Variants in ZMAT4 observed in about 807,000 individuals in gnomAD.
The protein encoded by ZMAT4 is zinc finger matrin-type 4, also known as zinc finger matrin-type protein 4.
A neutral mutation model predicts 28.7 loss-of-function variants in ZMAT4; 17 were observed. That is an observed-to-expected ratio of 0.59 (90% CI 0.41 to 0.89). ZMAT4 has a LOEUF of 0.89. Ranked by LOEUF, ZMAT4 falls within the 40% of genes least tolerant of loss-of-function variation. The pLI is 0.00. For synonymous variants in ZMAT4, 117 were observed against 109.2 expected, an observed-to-expected ratio of 1.07 and a Z score of -0.44; for missense variants, 240 against 283.8, an observed-to-expected ratio of 0.85 and a Z score of 1.11.
chr8:40,541,339 G>T (rs753580620), intron 6 of ZMAT4, among the ~76,000 whole-genome samples: 1 of 152,184 alleles, frequency 6.6e-6, no homozygotes, highest in South Asian at 2.1e-4. Flanking sequence ...ATCATGGGAC[G>T]TGGTGGGATG....
intron 3 of ZMAT4, among the ~76,000 whole-genome samples, chr8:40,746,514 T>C (rs1812243463): frequency 6.6e-6 from 1 of 151,558 alleles, no homozygotes; most frequent in Non-Finnish European, 1.5e-5. Flanking sequence ...TAAGCGCATA[T>C]CACCACACCC....
At chr8:40,850,561 T>C (rs188963509) in intron 1 of ZMAT4, among the ~76,000 whole-genome samples, 60 of 152,304 alleles carry the variant, frequency 3.9e-4, no homozygotes, top group Middle Eastern at 3.4e-3. Context: ...ATCTTATGGA[T>C]AGCTGTATCC....
intron 1 of ZMAT4, among the ~76,000 whole-genome samples, chr8:40,891,335 G>A (rs1255942685): frequency 2.2e-5 from 3 of 138,822 alleles, no homozygotes; most frequent in African/African-American, 8.1e-5. Context: ...AGGACACATG[G>A]TGGTCACCAC....
intron 4 of ZMAT4, among the ~76,000 whole-genome samples, chr8:40,680,744 T>C (rs1179845457): frequency 8.6e-5 from 13 of 151,596 alleles, no homozygotes; most frequent in Non-Finnish European, 1.5e-4. Flanking sequence ...ATACTTTCTC[T>C]CTCTCTCTAC....
At chr8:40,712,417 T>C (rs578234462) in intron 3 of ZMAT4, among the ~76,000 whole-genome samples, 1 of 152,262 alleles carries the variant, frequency 6.6e-6, no homozygotes, top group African/African-American at 2.4e-5. Flanking sequence ...AGATTTGTAC[T>C]AACAAAATCG....
At chr8:40,751,287 G>A (rs1293542440) in intron 3 of ZMAT4, among the ~76,000 whole-genome samples, 1 of 152,158 alleles carries the variant, frequency 6.6e-6, no homozygotes, top group Non-Finnish European at 1.5e-5. Flanking sequence ...GGCTTTACAG[G>A]AAGCATGGTG....
At chr8:40,770,984 T>G (rs771943200) in intron 2 of ZMAT4, among the ~76,000 whole-genome samples, 1 of 152,106 alleles carries the variant, frequency 6.6e-6, no homozygotes, top group Non-Finnish European at 1.5e-5. Context: ...GAACAAAAAC[T>G]TTCCTACAAC....
chr8:40,591,195 G>T (rs10504031), intron 5 of ZMAT4, among the ~76,000 whole-genome samples: 1 of 152,032 alleles, frequency 6.6e-6, no homozygotes, highest in African/African-American at 2.4e-5. Flanking sequence ...GTCTAAAACC[G>T]CAGGGATGGT....
chr8:40,867,276 A>G (rs1408458174), intron 1 of ZMAT4, among the ~76,000 whole-genome samples: 1 of 152,068 alleles, frequency 6.6e-6, no homozygotes, highest in Non-Finnish European at 1.5e-5. Flanking sequence ...ATATATCATA[A>G]TATTCTAAGA....
chr8:40,626,668 A>G (rs1473059165), intron 5 of ZMAT4, among the ~76,000 whole-genome samples: 1 of 152,160 alleles, frequency 6.6e-6, no homozygotes. Context: ...GAAACAGACT[A>G]GATCTTTATC....
At chr8:40,864,129 G>A (rs572502144) in intron 1 of ZMAT4, among the ~76,000 whole-genome samples, 8 of 152,312 alleles carry the variant, frequency 5.3e-5, no homozygotes, top group South Asian at 2.1e-4. Context: ...TTGGATGGAC[G>A]TAAACCAGAG....
chr8:40,658,399 G>T (rs1047797886), intron 5 of ZMAT4, among the ~76,000 whole-genome samples: 5 of 152,038 alleles, frequency 3.3e-5, no homozygotes, highest in African/African-American at 1.2e-4. Flanking sequence ...AAAGCCGGCA[G>T]CAAACTTAGG....
chr8:40,701,513 T>A (rs1351287729), intron 3 of ZMAT4, among the ~76,000 whole-genome samples: 13 of 128,196 alleles, frequency 1.0e-4, no homozygotes, highest in Non-Finnish European at 2.0e-4. Context: ...AGAATTTTTT[T>A]TTTTTTTTTT....
chr8:40,535,373 A>C (rs1802813360), intron 6 of ZMAT4, among the ~76,000 whole-genome samples: 1 of 152,168 alleles, frequency 6.6e-6, no homozygotes, highest in South Asian at 2.1e-4. Flanking sequence ...ACAACCATTG[A>C]AAATGGTCTC....
In ZMAT4 at chr8:40,877,960, G is replaced by T. The variant is rs184437750; in HGVS notation, c.-5+19723C>A. On this transcript the variant is annotated intron_variant, in intron 1 of 6. Transcript: ENST00000297737. ...AACAGTGGAAAGCTGCATCCATACA[G>T]AAGTCATAATTTACATTTGCTAAAC... Among the ~76,000 whole-genome samples, 656 of 152,332 alleles carry T rather than the reference G, an allele frequency of 4.3e-3. 1 individual carries two copies. The highest frequency in any genetic ancestry group is 5.9e-3 in the Non-Finnish European group (404 of 68,026).
intron 2 of ZMAT4, among the ~76,000 whole-genome samples, chr8:40,808,987 T>G (rs1406952244): frequency 6.6e-6 from 1 of 152,192 alleles, no homozygotes; most frequent in Admixed American, 6.5e-5. Flanking sequence ...GGGTCGATTA[T>G]TCTGTCAAAA....
rs546813650 is a variant in ZMAT4, at chr8:40,702,175, C to T, written c.193-4774G>A. Among the ~76,000 whole-genome samples, 3 of 152,228 alleles carry T rather than the reference C, an allele frequency of 2.0e-5. No individual in the cohort carries two copies. In the South Asian group the frequency reaches 6.2e-4, roughly 32 times the overall value. Reference sequence around the variant, plus strand: ...ACTTCCCAGCTTCTAGAACCATGAGCTGAATACATTTATGTTCATTATGAA... The same window carrying T: ...ACTTCCCAGCTTCTAGAACCATGAGTTGAATACATTTATGTTCATTATGAA... On this transcript the variant is annotated intron_variant, in intron 3 of 6. Coordinates refer to ENST00000297737, the MANE Select transcript of ZMAT4 (RefSeq NM_024645.3).
chr8:40,875,850 T>C (rs1818024864), intron 1 of ZMAT4, among the ~76,000 whole-genome samples: 2 of 152,236 alleles, frequency 1.3e-5, no homozygotes, highest in South Asian at 4.2e-4. Context: ...TCCTTGTAGG[T>C]GTCCACGATT....
chr8:40,888,076 C>G (rs1818533971), intron 1 of ZMAT4, among the ~76,000 whole-genome samples: 1 of 152,140 alleles, frequency 6.6e-6, no homozygotes, highest in Non-Finnish European at 1.5e-5. Context: ...CCACTTTTCT[C>G]AGCACCTACA....
Sources: allele counts gnomAD v4.1 joint callset (sites outside exome capture counted in the v4.1 genomes callset), GRCh38; gene constraint gnomAD v4.1.1; transcripts MANE v1.5; gene names NCBI Gene and HGNC (gene_info 2026-07-23, HGNC 2026-07-21).